CCDC167: variants seen among roughly 807,000 people sequenced by gnomAD.
CCDC167 encodes coiled-coil domain containing 167.
A neutral mutation model predicts 12.7 loss-of-function variants in CCDC167; 15 were observed. That is an observed-to-expected ratio of 1.18 (90% CI 0.79 to 1.81). The LOEUF (loss-of-function observed/expected upper bound fraction) is 1.81, where lower values mean the gene tolerates loss of function less well. Ranked by LOEUF, CCDC167 falls within the 40% of genes most tolerant of loss-of-function variation. CCDC167 has a pLI of 0.00. For synonymous variants in CCDC167, 52 were observed against 49.0 expected (o/e 1.06, Z -0.26); for missense variants, 121 against 120.1 (o/e 1.01, Z -0.03).
intron 1 of CCDC167, among the ~76,000 whole-genome samples, chr6:37,490,077 C>G (rs185876136): frequency 2.7e-4 from 41 of 152,322 alleles, no homozygotes; most frequent in Admixed American, 2.7e-3. Flanking sequence ...GCAGGGGGCA[C>G]AGGGCTGCGA....
chr6:37,499,476 G>A (rs1581770218), intron 1 of CCDC167, among the ~76,000 whole-genome samples: 1 of 152,180 alleles, frequency 6.6e-6, no homozygotes, highest in Non-Finnish European at 1.5e-5. Context: ...TTTCTCTGGG[G>A]TCTCCCTCAC....
intron 1 of CCDC167, among the ~76,000 whole-genome samples, chr6:37,495,592 G>A (rs1762088183): frequency 6.6e-6 from 1 of 152,174 alleles, no homozygotes; most frequent in Non-Finnish European, 1.5e-5. Context: ...GGTGGCAAAT[G>A]AATTGGATAA....
At chr6:37,484,962 G>T in intron 2 of CCDC167, 100 bp from the exon 3 acceptor site, 1 of 1,498,536 alleles carries the variant, frequency 6.7e-7, no homozygotes, top group Non-Finnish European at 9.2e-7. Context: ...CTTGTTCGGC[G>T]GCAGGGGGGG....
At chr6:37,489,779 C>G (rs890649331) in intron 1 of CCDC167, among the ~76,000 whole-genome samples, 1 of 152,190 alleles carries the variant, frequency 6.6e-6, no homozygotes, top group Admixed American at 6.5e-5. Flanking sequence ...GACTCCTGCC[C>G]GACAGGCTGC....
chr6:37,499,747 G>T, intron 1 of CCDC167, 75 bp downstream of exon 1: 2 of 1,508,148 alleles, frequency 1.3e-6, no homozygotes, highest in Non-Finnish European at 1.8e-6. Context: ...CCTATCTATA[G>T]CCCAGCCTAT....
At chr6:37,490,441 G>C (rs1173559615) in intron 1 of CCDC167, among the ~76,000 whole-genome samples, 1 of 152,116 alleles carries the variant, frequency 6.6e-6, no homozygotes, top group Non-Finnish European at 1.5e-5. Flanking sequence ...AGGTAGACAG[G>C]TGGGAAAGGC....
At chr6:37,483,325 A>G in intron 3 of CCDC167, 36 bp from the exon 4 acceptor site, 1 of 1,449,592 alleles carries the variant, frequency 6.9e-7, no homozygotes, top group Non-Finnish European at 9.7e-7. Flanking sequence ...TAGGACAGGC[A>G]GTTTAGGCCC....
At chr6:37,485,579 C>T (rs77895482) in intron 1 of CCDC167, among the ~76,000 whole-genome samples, 166 of 152,354 alleles carry the variant, frequency 1.1e-3, no homozygotes, top group Non-Finnish European at 2.1e-3. Flanking sequence ...ACCCTGAACA[C>T]GGCATGCACC....
intron 1 of CCDC167, among the ~76,000 whole-genome samples, chr6:37,496,326 G>A (rs1027678989): frequency 6.6e-5 from 10 of 152,064 alleles, no homozygotes; most frequent in African/African-American, 1.7e-4. Flanking sequence ...TCAGCTTCTC[G>A]GGAGGCTAAG....
chr6:37,488,604 A>G (rs1304203735), intron 1 of CCDC167, among the ~76,000 whole-genome samples: 1 of 152,252 alleles, frequency 6.6e-6, no homozygotes, highest in African/African-American at 2.4e-5. Flanking sequence ...TCAAGTGCCC[A>G]GAAGCCTGGA....
chr6:37,499,748 C>G, intron 1 of CCDC167, 74 bp downstream of exon 1: 1 of 1,513,826 alleles, frequency 6.6e-7, no homozygotes, highest in Non-Finnish European at 9.2e-7. Context: ...CTATCTATAG[C>G]CCAGCCTATC....
intron 1 of CCDC167, among the ~76,000 whole-genome samples, chr6:37,497,215 T>C (rs905551635): frequency 1.3e-5 from 2 of 152,238 alleles, no homozygotes; most frequent in Non-Finnish European, 2.9e-5. Flanking sequence ...TTGGTTCTTG[T>C]TGTTCCTGGT....
chr6:37,497,278 G>A (rs77460783), intron 1 of CCDC167, among the ~76,000 whole-genome samples: 2,351 of 152,242 alleles, frequency 0.015, 57 homozygotes, highest in African/African-American at 0.053. Flanking sequence ...TACCAAACCA[G>A]GTGAGGTTCC....
At chr6:37,492,000 C>T (rs192696417) in intron 1 of CCDC167, among the ~76,000 whole-genome samples, 4 of 152,286 alleles carry the variant, frequency 2.6e-5, no homozygotes, top group African/African-American at 9.6e-5. Flanking sequence ...TGGGCACAAC[C>T]TCCACACCTT....
chr6:37,490,595 G>T (rs1312217221), intron 1 of CCDC167, among the ~76,000 whole-genome samples: 1 of 152,022 alleles, frequency 6.6e-6, no homozygotes, highest in South Asian at 2.1e-4. Flanking sequence ...GCTGGGTGAA[G>T]GAGTGAGCTC....
rs140663789 is a variant in CCDC167, at chr6:37,490,511, C to T, written c.43-5317G>A. The stretch of plus-strand genomic sequence containing the variant: ...GTCCGTTCTTTTAACAGAAAAGCCC[C>T]GTAGTGATGCTGCCTAAATTACTGA... On this transcript the variant is annotated intron_variant, in intron 1 of 3. Transcript: ENST00000373408. Among the ~76,000 whole-genome samples the T allele has an allele frequency of 1.2e-3, 190 of 152,234 alleles. 1 individual carries two copies. The highest frequency in any genetic ancestry group is 4.6e-3 in the Admixed American group (71 of 15,300).
chr6:37,484,964 CA>C (rs1420223042), intron 2 of CCDC167, 102 bp from the exon 3 acceptor site: 16 of 1,499,428 alleles, frequency 1.1e-5, no homozygotes, highest in African/African-American at 5.5e-5. Context: ...TGTTCGGCGG[CA>C]GGGGGGGTGT....
chr6:37,488,924 A>G (rs1036855726), intron 1 of CCDC167, among the ~76,000 whole-genome samples: 2 of 152,208 alleles, frequency 1.3e-5, no homozygotes, highest in Non-Finnish European at 2.9e-5. Flanking sequence ...GTCCATGGCA[A>G]GAGTAAGAGA....
intron 1 of CCDC167, among the ~76,000 whole-genome samples, chr6:37,499,030 A>G (rs1762133122): frequency 6.6e-6 from 1 of 152,118 alleles, no homozygotes; most frequent in African/African-American, 2.4e-5. Context: ...GGATGCCCTA[A>G]GGGAAGGAAA....
Sources: allele counts gnomAD v4.1 joint callset (sites outside exome capture counted in the v4.1 genomes callset), GRCh38; gene constraint gnomAD v4.1.1; transcripts MANE v1.5; gene names NCBI Gene and HGNC (gene_info 2026-07-23, HGNC 2026-07-21).